CNTN1: variants seen among roughly 807,000 people sequenced by gnomAD.
CNTN1 encodes contactin-1.
Under a neutral mutation model 126.4 loss-of-function variants are expected in CNTN1, and 38 were observed. That is an observed-to-expected ratio of 0.30 (90% CI 0.23 to 0.39). The LOEUF (loss-of-function observed/expected upper bound fraction) is 0.39. CNTN1 is among the 10% of genes least tolerant of loss of function. The pLI is 1.00. For synonymous variants in CNTN1, 413 were observed against 422.6 expected (o/e 0.98, Z 0.28); for missense variants, 1,009 against 1,248.4 (o/e 0.81, Z 2.89).
chr12:40,754,319 T>C (rs189878251), intron 1 of CNTN1, among the ~76,000 whole-genome samples: 2 of 152,210 alleles, frequency 1.3e-5, no homozygotes, highest in East Asian at 3.9e-4. Flanking sequence ...GTATCAAAAT[T>C]CACAATGTTC....
rs569671221 is a variant in CNTN1 at position 40,904,081 on chromosome 12, C to T, written c.-76-4276C>T. 9.3e-4 allele frequency among the ~76,000 whole-genome samples: 141 copies of T among 151,782 alleles called. 1 individual carries two copies. The highest frequency in any genetic ancestry group is 3.3e-3 in the African/African-American group (136 of 41,396). On this transcript the variant is annotated intron_variant, in intron 1 of 23. Transcript: ENST00000551295. ...TCGCCTAGGCTGGAGTGCAGTGGCGCGATCTCGGCTCACTGCAAGCTCCGC... is the reference window on the plus strand; with the variant it reads ...TCGCCTAGGCTGGAGTGCAGTGGCGTGATCTCGGCTCACTGCAAGCTCCGC...
At chr12:40,985,601 C>T (rs1399391427) in intron 16 of CNTN1, among the ~76,000 whole-genome samples, 1 of 152,154 alleles carries the variant, frequency 6.6e-6, no homozygotes, top group African/African-American at 2.4e-5. Flanking sequence ...TAATTCCCTG[C>T]ACTTGATATG....
At chr12:40,924,506 C>T (rs1565958508) in intron 5 of CNTN1, 51 bp from the exon 6 acceptor site, 1 of 965,528 alleles carries the variant, frequency 1.0e-6, no homozygotes, top group East Asian at 2.5e-5. Context: ...GAATGTCTCT[C>T]TTTCTATTGA....
chr12:40,922,410 G>A lies in CNTN1; in HGVS notation c.382G>A (p.Ala128Thr), dbSNP rs1209583907. ...NNYGMVRSTE[A>T]TLSFGYLDPF... Reference sequence around the variant, plus strand: ...CTACGGGATGGTCAGAAGCACTGAAGCAACCCTGAGCTTTGGATGTAAGTA... The same window carrying A: ...CTACGGGATGGTCAGAAGCACTGAAACAACCCTGAGCTTTGGATGTAAGTA... Residue 128 changes from alanine to threonine, a missense_variant, in exon 5 of 24, where the codon GCA becomes ACA. By Grantham distance (58) the Ala-to-Thr change is moderately conservative. Coordinates refer to ENST00000551295, the MANE Select transcript of CNTN1 (RefSeq NM_001843.4). 1.2e-6 allele frequency: 2 copies of A among 1,613,878 alleles called. No individual in the cohort carries two copies. Among genetic ancestry groups the A allele is most frequent in the Non-Finnish European group, 8.5e-7 (1 of 1,179,914 alleles).
At chr12:40,877,988 C>CTTTTTTTT (rs199626249) in intron 1 of CNTN1, among the ~76,000 whole-genome samples, 4 of 109,348 alleles carry the variant, frequency 3.7e-5, no homozygotes, top group East Asian at 2.6e-4. Context: ...CAGTTTTTTC[C>CTTTTTTTT]TTTTTTTTTT....
At chr12:40,898,924 A>C (rs1944507545) in intron 1 of CNTN1, among the ~76,000 whole-genome samples, 1 of 152,258 alleles carries the variant, frequency 6.6e-6, no homozygotes, top group Non-Finnish European at 1.5e-5. Context: ...ATGCAGCAGC[A>C]TTAGGTAGAA....
chr12:40,775,003 G>A (rs1018960094), intron 1 of CNTN1, among the ~76,000 whole-genome samples: 2 of 151,378 alleles, frequency 1.3e-5, no homozygotes, highest in Non-Finnish European at 3.0e-5. Context: ...TGTATTTGGA[G>A]CATTCCAATT....
At chr12:40,999,516 C>T (rs1226458499) in intron 17 of CNTN1, among the ~76,000 whole-genome samples, 2 of 152,046 alleles carry the variant, frequency 1.3e-5, no homozygotes, top group Admixed American at 1.3e-4. Context: ...GCACCTAACT[C>T]CTCTATTCTC....
chr12:40,698,228 A>C (rs1462758563), intron 1 of CNTN1, among the ~76,000 whole-genome samples: 1 of 69,882 alleles, frequency 1.4e-5, no homozygotes, highest in Non-Finnish European at 2.6e-5. Context: ...CAGCCACTTA[A>C]TTTTTTTTTT....
chr12:40,874,542 A>G (rs1305823699), intron 1 of CNTN1, among the ~76,000 whole-genome samples: 1 of 152,126 alleles, frequency 6.6e-6, no homozygotes, highest in Non-Finnish European at 1.5e-5. Flanking sequence ...AATGGATGAG[A>G]CCAACTGCAT....
chr12:40,770,879 A>G (rs552736555), intron 1 of CNTN1, among the ~76,000 whole-genome samples: 104 of 152,228 alleles, frequency 6.8e-4, no homozygotes, highest in African/African-American at 2.4e-3. Context: ...ATATGAAGCT[A>G]TTACATTTTA....
chr12:40,912,603 A>G (rs1313691403), intron 3 of CNTN1, among the ~76,000 whole-genome samples: 2 of 152,130 alleles, frequency 1.3e-5, no homozygotes, highest in Non-Finnish European at 2.9e-5. Context: ...TAGAGTTATG[A>G]TATGACTGTA....
chr12:40,976,196 A>C (rs938137165), intron 15 of CNTN1, among the ~76,000 whole-genome samples: 1 of 152,188 alleles, frequency 6.6e-6, no homozygotes, highest in Non-Finnish European at 1.5e-5. Context: ...AGTCAGAAAT[A>C]TATTTCAGTT....
chr12:40,697,871 A>G (rs967756702), intron 1 of CNTN1, among the ~76,000 whole-genome samples: 11 of 152,232 alleles, frequency 7.2e-5, no homozygotes, highest in Admixed American at 2.6e-4. Flanking sequence ...AGAATGCACT[A>G]TGGAAGATAT....
At chr12:40,847,681 A>G (rs1298751847) in intron 1 of CNTN1, among the ~76,000 whole-genome samples, 1 of 152,208 alleles carries the variant, frequency 6.6e-6, no homozygotes, top group African/African-American at 2.4e-5. Flanking sequence ...AATTACAATT[A>G]TATTTTACTA....
At chr12:40,972,700 A>T in intron 15 of CNTN1, 1 of 956,284 alleles carries the variant, frequency 1.0e-6, no homozygotes, top group Non-Finnish European at 1.2e-6. Flanking sequence ...TAGAACTTAG[A>T]CTAGAGATCC....
intron 23 of CNTN1, among the ~76,000 whole-genome samples, chr12:41,040,642 T>G (rs541020307): frequency 7.9e-4 from 121 of 152,244 alleles, no homozygotes; most frequent in African/African-American, 2.7e-3. Context: ...CCCTTGTAAG[T>G]TGGATTCCTA....
chr12:40,732,888 A>C (rs1409420952), intron 1 of CNTN1, among the ~76,000 whole-genome samples: 1 of 152,124 alleles, frequency 6.6e-6, no homozygotes, highest in African/African-American at 2.4e-5. Context: ...TAAATGAAGC[A>C]GGCATTTTTT....
At chr12:40,931,193 A>G (rs1945872575) in intron 7 of CNTN1, among the ~76,000 whole-genome samples, 1 of 151,958 alleles carries the variant, frequency 6.6e-6, no homozygotes, top group South Asian at 2.1e-4. Context: ...TATTCAATGC[A>G]ATTTTGAATT....
Sources: gnomAD v4.1 joint callset for allele counts (sites outside exome capture counted in the v4.1 genomes callset) on GRCh38, gnomAD v4.1.1 for gene constraint, MANE v1.5 for transcripts, NCBI Gene and HGNC (gene_info 2026-07-23, HGNC 2026-07-21) for gene names.